ANO10: variants seen among roughly 807,000 people sequenced by gnomAD.
The protein encoded by ANO10 is anoctamin-10.
In ANO10, 77 loss-of-function variants were observed where a neutral mutation model predicts 74.7. The observed-to-expected ratio is 1.03, with a 90% CI of 0.86 to 1.25. The LOEUF (loss-of-function observed/expected upper bound fraction) is 1.25, where lower values mean the gene tolerates loss of function less well. Ranked by LOEUF, ANO10 falls within the 50% of genes most tolerant of loss-of-function variation. ANO10 has a pLI of 0.00. For synonymous variants in ANO10, 279 were observed against 284.9 expected, an observed-to-expected ratio of 0.98 and a Z score of 0.21; for missense variants, 721 against 778.1, an observed-to-expected ratio of 0.93 and a Z score of 0.87.
chr3:43,422,149 C>T (rs1011180615), intron 12 of ANO10, among the ~76,000 whole-genome samples: 1 of 152,188 alleles, frequency 6.6e-6, no homozygotes, highest in Admixed American at 6.5e-5. Flanking sequence ...TGGAGTCTCG[C>T]TCTGTCGCCC....
At chr3:43,626,458 C>T (rs980769071), upstream of ANO10, among the ~76,000 whole-genome samples, 31 of 151,888 alleles carry the variant, frequency 2.0e-4, no homozygotes, top group Non-Finnish European at 1.5e-4. Context: ...GCCACCACAC[C>T]CGGCTAATTT....
chr3:43,667,382 C>T (rs952376826), intron 1 of ANO10, among the ~76,000 whole-genome samples: 6 of 152,084 alleles, frequency 3.9e-5, no homozygotes, highest in African/African-American at 1.4e-4. Context: ...GGCCACTGCA[C>T]CCAGCCCAAT....
intron 11 of ANO10, among the ~76,000 whole-genome samples, chr3:43,481,081 A>C (rs2076251817): frequency 6.6e-6 from 1 of 152,132 alleles, no homozygotes; most frequent in Non-Finnish European, 1.5e-5. Flanking sequence ...GAACATAAAA[A>C]CATTCATATT....
In ANO10 at chr3:43,578,749, C is replaced by CAAAAAAAA. The variant is rs56186109; in HGVS notation, c.593-1496_593-1489dup. ...TGGGCCACAGAGCAAGACTCCATCT[C>CAAAAAAAA]AAAAAAAAAAAAAAAAAAAAAAAAA... On this transcript the variant is annotated intron_variant, in intron 5 of 12. Coordinates refer to ENST00000292246, the MANE Select transcript of ANO10 (RefSeq NM_018075.5). Among the ~76,000 whole-genome samples, 147 of 64,428 alleles carry CAAAAAAAA rather than the reference C, an allele frequency of 2.3e-3. 13 individuals are homozygous for CAAAAAAAA. The highest frequency in any genetic ancestry group is 5.3e-3 in the African/African-American group (109 of 20,646). 42.3% of individuals were successfully genotyped at this position (64,428 alleles called of 152,430 possible). A position where few individuals can be genotyped will look rare whatever the true frequency, so the allele number is the denominator to read the frequency against.
chr3:43,536,019 T>G (rs2078694794), intron 11 of ANO10, among the ~76,000 whole-genome samples: 3 of 152,260 alleles, frequency 2.0e-5, no homozygotes, highest in African/African-American at 2.4e-5. Context: ...AACTTTCACT[T>G]GGACCATAAT....
chr3:43,387,865 G>A (rs1335101416), intron 12 of ANO10, among the ~76,000 whole-genome samples: 1 of 152,156 alleles, frequency 6.6e-6, no homozygotes, highest in Non-Finnish European at 1.5e-5. Context: ...ACCCTGTGCT[G>A]GGCTTGTACC....
intron 11 of ANO10, among the ~76,000 whole-genome samples, chr3:43,536,456 G>A (rs1268357827): frequency 6.6e-6 from 1 of 152,186 alleles, no homozygotes; most frequent in African/African-American, 2.4e-5. Context: ...TTTTGAAAGA[G>A]TGTTAAAACA....
At chr3:43,377,704 C>T (rs2091848263) in intron 12 of ANO10, among the ~76,000 whole-genome samples, 1 of 152,150 alleles carries the variant, frequency 6.6e-6, no homozygotes, top group Admixed American at 6.5e-5. Flanking sequence ...GAGGCGTGGC[C>T]AGGCCAGTGG....
At chr3:43,551,779 A>G (rs181470322) in intron 10 of ANO10, among the ~76,000 whole-genome samples, 10 of 152,210 alleles carry the variant, frequency 6.6e-5, no homozygotes, top group African/African-American at 1.4e-4. Flanking sequence ...ATATTTCCAT[A>G]TATATCTTTT....
intron 11 of ANO10, among the ~76,000 whole-genome samples, chr3:43,494,252 G>C (rs946689256): frequency 6.6e-6 from 1 of 152,072 alleles, no homozygotes; most frequent in African/African-American, 2.4e-5. Context: ...TCAGGGGTTC[G>C]GGACCAGCCT....
Position 43,576,822 on chromosome 3 carries a change from C to T in ANO10, c.1032G>A (p.Leu344=). 1 of 1,614,166 alleles carries T rather than the reference C, an allele frequency of 6.2e-7. No homozygotes were observed. Among genetic ancestry groups the T allele is most frequent in the East Asian group, 2.2e-5 (1 of 44,888 alleles). ...CAGACCCGCTGTTCTCATGTAGACC[C>T]AAGGCCCAAACCTCCATGTCGAAGT... The part of the protein sequence containing the change: ...MIYFDMEVWA[L]GLHENSGSEW... Residue 344 remains leucine (L), a synonymous_variant, in exon 6 of 13, where the codon TTG becomes TTA. Coordinates refer to ENST00000292246, the MANE Select transcript of ANO10 (RefSeq NM_018075.5).
At chr3:43,414,777 G>T (rs1420449333) in intron 12 of ANO10, among the ~76,000 whole-genome samples, 1 of 152,062 alleles carries the variant, frequency 6.6e-6, no homozygotes, top group South Asian at 2.1e-4. Flanking sequence ...TCTAAGCATG[G>T]AAATATTTTA....
intron 11 of ANO10, among the ~76,000 whole-genome samples, chr3:43,465,993 G>C (rs960359777): frequency 2.0e-5 from 3 of 152,056 alleles, no homozygotes; most frequent in South Asian, 2.1e-4. Context: ...ATTCCTCTGG[G>C]AATGCAGAGA....
intron 9 of ANO10, among the ~76,000 whole-genome samples, chr3:43,559,872 C>T (rs1052843624): frequency 1.3e-5 from 2 of 152,334 alleles, no homozygotes; most frequent in African/African-American, 4.8e-5. Flanking sequence ...TGCCCACATG[C>T]TCCTTCTCTT....
intron 10 of ANO10, among the ~76,000 whole-genome samples, chr3:43,553,547 T>G (rs2079587931): frequency 6.6e-6 from 1 of 151,780 alleles, no homozygotes; most frequent in South Asian, 2.1e-4. Context: ...CTCTTTTTTT[T>G]TTTTTTTGAG....
intron 1 of ANO10, among the ~76,000 whole-genome samples, chr3:43,663,169 T>C (rs1056106835): frequency 3.3e-5 from 5 of 152,054 alleles, no homozygotes; most frequent in African/African-American, 7.2e-5. Flanking sequence ...CCGAATCCAG[T>C]AGCACATCAA....
chr3:43,499,100 T>C (rs967341707), intron 11 of ANO10, among the ~76,000 whole-genome samples: 3 of 152,042 alleles, frequency 2.0e-5, no homozygotes, highest in African/African-American at 7.2e-5. Flanking sequence ...GAGAAACCAC[T>C]AGAGAGAGGG....
chr3:43,417,336 T>G (rs1481389440), intron 12 of ANO10, among the ~76,000 whole-genome samples: 1 of 152,150 alleles, frequency 6.6e-6, no homozygotes, highest in Non-Finnish European at 1.5e-5. Context: ...GGAAAGTTTA[T>G]TTGCATAATA....
At chr3:43,471,458 C>A (rs2075855777) in intron 11 of ANO10, among the ~76,000 whole-genome samples, 1 of 152,070 alleles carries the variant, frequency 6.6e-6, no homozygotes, top group African/African-American at 2.4e-5. Context: ...GTGTTCAGGG[C>A]GTCTGGGTGA....
Sources: allele counts gnomAD v4.1 joint callset (sites outside exome capture counted in the v4.1 genomes callset), GRCh38; gene constraint gnomAD v4.1.1; transcripts MANE v1.5; gene names NCBI Gene and HGNC (gene_info 2026-07-23, HGNC 2026-07-21).